BBX: variants seen among roughly 807,000 people sequenced by gnomAD.
BBX encodes the protein BBX high mobility group box domain containing, also known as HMG box transcription factor BBX.
BBX carries 30 observed loss-of-function variants against 100.2 expected under a neutral mutation model. The ratio of observed to expected loss-of-function variants is 0.30; its 90% CI spans 0.22 to 0.41. The LOEUF (loss-of-function observed/expected upper bound fraction) is 0.41. BBX is among the 10% of genes least tolerant of loss of function. The probability of loss-of-function intolerance (pLI) is 1.00; values close to 1 mark genes in which losing one functional copy is unlikely to be tolerated. For synonymous variants in BBX, 376 were observed against 388.1 expected, an observed-to-expected ratio of 0.97 and a Z score of 0.37; for missense variants, 1,023 against 1,129.8, an observed-to-expected ratio of 0.91 and a Z score of 1.35.
chr3:107,795,140 C>G (rs2069484147), intron 15 of BBX, among the ~76,000 whole-genome samples: 3 of 152,142 alleles, frequency 2.0e-5, no homozygotes, highest in Non-Finnish European at 4.4e-5. Context: ...TGCGGGTTGT[C>G]GGGAGGAACT....
intron 2 of BBX, among the ~76,000 whole-genome samples, chr3:107,576,802 T>TA (rs2051813397): frequency 6.6e-6 from 1 of 152,170 alleles, no homozygotes; most frequent in Non-Finnish European, 1.5e-5. Flanking sequence ...CAAAACGCAC[T>TA]ATTTTTCTTT....
chr3:107,727,150 G>C lies in BBX; in HGVS notation c.406-1615G>C, dbSNP rs76737627. On this transcript the variant is annotated intron_variant, in intron 5 of 17. Coordinates refer to ENST00000325805, the MANE Select transcript of BBX (RefSeq NM_001142568.3). ...TCATGACAAATATGTTAATCAATTT[G>C]TTTGAAAGTCTTTTGACACTTTATA... Among the ~76,000 whole-genome samples, 645 of 152,076 alleles carry C rather than the reference G, an allele frequency of 4.2e-3. 6 individuals are homozygous for C. The highest frequency in any genetic ancestry group is 0.013 in the African/African-American group (556 of 41,496).
intron 2 of BBX, among the ~76,000 whole-genome samples, chr3:107,527,057 A>T (rs2047832297): frequency 6.6e-6 from 1 of 152,168 alleles, no homozygotes; most frequent in Admixed American, 6.5e-5. Context: ...CCTTTTTCAG[A>T]TATATGACTC....
intron 10 of BBX, among the ~76,000 whole-genome samples, chr3:107,757,821 G>C (rs1051799330): frequency 6.6e-6 from 1 of 152,086 alleles, no homozygotes; most frequent in Non-Finnish European, 1.5e-5. Flanking sequence ...AGAAGATATT[G>C]AAGATTTTTC....
intron 13 of BBX, among the ~76,000 whole-genome samples, chr3:107,782,456 A>C (rs2067992545): frequency 6.6e-6 from 1 of 152,056 alleles, no homozygotes; most frequent in South Asian, 2.1e-4. Flanking sequence ...GGCAAAAGCC[A>C]CCACCACCAG....
intron 2 of BBX, among the ~76,000 whole-genome samples, chr3:107,641,589 C>G (rs543476752): frequency 1.1e-3 from 174 of 152,186 alleles, no homozygotes; most frequent in African/African-American, 4.1e-3. Flanking sequence ...TTAGTAGTTA[C>G]TATGGTTTAC....
At chr3:107,602,730 A>G (rs1219641366) in intron 2 of BBX, among the ~76,000 whole-genome samples, 1 of 152,230 alleles carries the variant, frequency 6.6e-6, no homozygotes, top group Non-Finnish European at 1.5e-5. Context: ...TGGAGACTGA[A>G]GATATGACTG....
intron 7 of BBX, among the ~76,000 whole-genome samples, chr3:107,742,252 T>C (rs957091965): frequency 5.3e-5 from 8 of 152,080 alleles, no homozygotes; most frequent in African/African-American, 1.9e-4. Context: ...AGCTTTTCTG[T>C]CTTCTCCTTC....
chr3:107,743,345 C>T (rs555668795), intron 7 of BBX, among the ~76,000 whole-genome samples: 1 of 152,128 alleles, frequency 6.6e-6, no homozygotes, highest in African/African-American at 2.4e-5. Flanking sequence ...TTTGTGGCTA[C>T]GAATTTCAGG....
At chr3:107,756,700 A>G (rs554541340) in intron 10 of BBX, among the ~76,000 whole-genome samples, 66 of 152,214 alleles carry the variant, frequency 4.3e-4, no homozygotes, top group Non-Finnish European at 7.8e-4. Flanking sequence ...ACAATGGAAC[A>G]AACTACCCCA....
intron 15 of BBX, 136 bp from the exon 16 acceptor site, chr3:107,798,387 T>A: frequency 1.3e-6 from 1 of 771,856 alleles, no homozygotes; most frequent in Non-Finnish European, 2.1e-6. Context: ...TTTCATTTTT[T>A]CCATCAGTAC....
chr3:107,724,082 G>T (rs2062740907), intron 5 of BBX, among the ~76,000 whole-genome samples: 1 of 152,124 alleles, frequency 6.6e-6, no homozygotes. Context: ...GTTGTTTCCT[G>T]ACTTTTTAAT....
intron 13 of BBX, among the ~76,000 whole-genome samples, chr3:107,789,228 C>G (rs1031006825): frequency 6.6e-6 from 1 of 152,028 alleles, no homozygotes; most frequent in African/African-American, 2.4e-5. Context: ...AACTAAGAAT[C>G]TGAAACATCT....
At chr3:107,641,981 G>A (rs1173453958) in intron 2 of BBX, 1 of 152,134 alleles carries the variant, frequency 6.6e-6, no homozygotes, top group Non-Finnish European at 1.5e-5. Context: ...TCTATATGAA[G>A]ATATTTTATT....
chr3:107,656,882 A>G (rs1289447323), intron 3 of BBX, among the ~76,000 whole-genome samples: 1 of 152,222 alleles, frequency 6.6e-6, no homozygotes, highest in East Asian at 1.9e-4. Context: ...CCACTTAAGG[A>G]TATCAGGGAA....
At position 107,644,029 on chromosome 3, in the gene BBX, C is replaced by T. The variant is rs761052600; in HGVS notation, c.-83-1807C>T. ...AAAGCATAGCCAATCTCCTCTCTCA[C>T]CCCTCTGCTACTTTATCTATAGATA... On this transcript the variant is annotated intron_variant, in intron 2 of 17. Transcript: ENST00000325805. Among the ~76,000 whole-genome samples, 5 of 152,310 alleles carry T rather than the reference C, an allele frequency of 3.3e-5. No individual in the cohort carries two copies. In the South Asian group the frequency reaches 1.0e-3, roughly 32 times the overall value.
chr3:107,790,009 G>A (rs1352624735), intron 14 of BBX, 133 bp downstream of exon 14: 15 of 594,646 alleles, frequency 2.5e-5, no homozygotes, highest in South Asian at 1.3e-4. Context: ...AGCTCCTGAC[G>A]CGGGTGTTCT....
chr3:107,591,159 TTTCAAGG>T (rs1461449869), intron 2 of BBX, among the ~76,000 whole-genome samples: 1 of 152,238 alleles, frequency 6.6e-6, no homozygotes, highest in Non-Finnish European at 1.5e-5. Flanking sequence ...CATCATTCCT[TTTCAAGG>T]TTCATATCTC....
intron 7 of BBX, among the ~76,000 whole-genome samples, chr3:107,738,267 CAT>C (rs530138000): frequency 8.8e-4 from 134 of 151,904 alleles, no homozygotes; most frequent in African/African-American, 3.0e-3. Flanking sequence ...TAATAAAAGT[CAT>C]ATTTTAAAAA....
Sources: allele counts gnomAD v4.1 joint callset (sites outside exome capture counted in the v4.1 genomes callset), GRCh38; gene constraint gnomAD v4.1.1; transcripts MANE v1.5; gene names NCBI Gene and HGNC (gene_info 2026-07-23, HGNC 2026-07-21).